Variants in ZFAND5 observed in about 807,000 individuals in gnomAD.
The protein encoded by ZFAND5 is zinc finger AN1-type containing 5.
Under a neutral mutation model 23.6 loss-of-function variants are expected in ZFAND5, and 4 were observed. That is an observed-to-expected ratio of 0.17 (90% CI 0.08 to 0.39). The LOEUF is 0.39. Among genes scored for constraint, ZFAND5 ranks in the 10% least tolerant of loss-of-function variants. The probability of loss-of-function intolerance (pLI) is 1.00; values close to 1 mark genes in which losing one functional copy is unlikely to be tolerated. For missense variants in ZFAND5, 161 were observed against 253.7 expected, an observed-to-expected ratio of 0.63 and a Z score of 2.48; for synonymous variants, 68 against 80.6, an observed-to-expected ratio of 0.84 and a Z score of 0.84.
At chr9:72,364,324 C>G in intron 1 of ZFAND5, 3 of 1,006,616 alleles carry the variant, frequency 3.0e-6, no homozygotes, top group Non-Finnish European at 3.7e-6. Flanking sequence ...GGGGGGGCTG[C>G]AACGGGCAGG....
rs925875201 is a variant in ZFAND5, at chr9:72,353,857, T to C, written c.*2096A>G. On this transcript the variant is annotated 3_prime_UTR_variant, in exon 7 of 7. Coordinates refer to ENST00000376962, the MANE Select transcript of ZFAND5 (RefSeq NM_001102420.3). ...ACTACCCTATGTCAGTATAGGAACT[T>C]TGACATACATATGTACCTCCCTAAC... 6.6e-6 allele frequency: 1 copy of C among 152,316 alleles called. No individual in the cohort carries two copies. The highest frequency in any genetic ancestry group is 2.4e-5 in the African/African-American group (1 of 41,572). The allele number at this position is 152,316 out of a possible 1,614,324, so 9.4% of individuals were successfully genotyped here. A position where few individuals can be genotyped will look rare whatever the true frequency, so the allele number is the denominator to read the frequency against.
rs541020220 is a variant in ZFAND5, at chr9:72,356,413, A to C, written c.494-312T>G. ...CCACGTGGAGAAAACAAAATGGGCT[A>C]TCTGCCAGCTAATTTCTCCCAGATG... On this transcript the variant is annotated intron_variant, in intron 6 of 6. Transcript: ENST00000376962. Among the ~76,000 whole-genome samples, 15 of 152,342 alleles carry C rather than the reference A, an allele frequency of 9.8e-5. No homozygotes were observed. In the South Asian group the frequency reaches 1.4e-3, roughly 15 times the overall value.
At chr9:72,363,792 G>A (rs1005949145) in intron 1 of ZFAND5, 186 bp from the exon 2 acceptor site, 1 of 353,340 alleles carries the variant, frequency 2.8e-6, no homozygotes. Context: ...TATGTTTTTA[G>A]AAGTCTGTAT....
At chr9:72,362,753 A>T (rs966429147) in intron 2 of ZFAND5, among the ~76,000 whole-genome samples, 8 of 152,186 alleles carry the variant, frequency 5.3e-5, no homozygotes, top group African/African-American at 1.9e-4. Context: ...CCAGCTTTTA[A>T]ATGCCATCAC....
chr9:72,356,960 A>G lies in ZFAND5; in HGVS notation c.464T>C (p.Phe155Ser). 1 of 1,613,108 alleles carries G rather than the reference A, an allele frequency of 6.2e-7. No individual in the cohort carries two copies. Among genetic ancestry groups the G allele is most frequent in the Non-Finnish European group, 8.5e-7 (1 of 1,179,738 alleles). Residue 155 changes from phenylalanine to serine, a missense_variant, in exon 6 of 7, where the codon TTC becomes TCC. By Grantham distance (155) the Phe-to-Ser change is radical. Around this residue, in one of 3 missense-constraint regions of ZFAND5, gnomAD observed 24 missense variants for 80.0 expected, o/e 0.30. Coordinates refer to ENST00000376962, the MANE Select transcript of ZFAND5 (RefSeq NM_001102420.3). ...ELPKPKKNRC[F>S]MCRKKVGLTG... ...AAGACCAACTTTCTTTCTGCACATG[A>G]AACATCTGTTTTTCTTTGGTTTGGG...
intron 4 of ZFAND5, 25 bp from the exon 5 acceptor site, chr9:72,359,546 TTTAAAGGTG>T (rs1564308057): frequency 1.2e-6 from 2 of 1,606,470 alleles, no homozygotes; most frequent in Non-Finnish European, 8.5e-7. Flanking sequence ...GCAAACAATT[TTTAAAGGTG>T]TTAAGGGTAC....
chr9:72,364,721 C>T lies in ZFAND5; in HGVS notation c.-172G>A, dbSNP rs1842214738. On this transcript the variant is annotated 5_prime_UTR_variant, in exon 1 of 7. Transcript: ENST00000376962. ...CCTGCAGGGTCCCAAATGCGAAAGCCGGGTTCGCGCGCGAAGCCGGCACGA... is the reference window on the plus strand; with the variant it reads ...CCTGCAGGGTCCCAAATGCGAAAGCTGGGTTCGCGCGCGAAGCCGGCACGA... The T allele has an allele frequency of 3.8e-6, 3 of 793,422 alleles. No individual in the cohort carries two copies. The highest frequency in any genetic ancestry group is 4.8e-6 in the Non-Finnish European group (3 of 628,106). 49.1% of individuals were successfully genotyped at this position (793,422 alleles called of 1,614,324 possible).
rs1392660776 is a variant in ZFAND5 at position 72,354,560 on chromosome 9, A to C, written c.*1393T>G. The C allele has an allele frequency of 6.6e-6, 1 of 152,654 alleles. No individual in the cohort carries two copies. Among genetic ancestry groups the C allele is most frequent in the South Asian group, 2.1e-4 (1 of 4,838 alleles). The allele number at this position is 152,654 out of a possible 1,614,324, so 9.5% of individuals were successfully genotyped here. A position where few individuals can be genotyped will look rare whatever the true frequency, so the allele number is the denominator to read the frequency against. On this transcript the variant is annotated 3_prime_UTR_variant, in exon 7 of 7. Coordinates refer to ENST00000376962, the MANE Select transcript of ZFAND5 (RefSeq NM_001102420.3). ...ACATAAATATGAACTATCTGTACAC[A>C]TCTGCAGGTCTAACTCAGAACTAAG... is the stretch of plus-strand genomic sequence containing the variant.
At chr9:72,364,572 G>A (rs1230658495) in intron 1 of ZFAND5, 124 bp downstream of exon 1, 2 of 1,256,114 alleles carry the variant, frequency 1.6e-6, no homozygotes, top group East Asian at 7.3e-5. Flanking sequence ...CCCCTCCCCC[G>A]GACGCCGCCA....
Position 72,364,768 on chromosome 9 carries a change from G to A in ZFAND5, c.-219C>T, listed in dbSNP as rs897428329. On this transcript the variant is annotated 5_prime_UTR_variant, in exon 1 of 7. Transcript: ENST00000376962. The stretch of plus-strand genomic sequence containing the variant: ...ACGATGAGGCCGGGCCGAGGCCTCC[G>A]GGAAGGCTGAGCCGGGCGCCCTGGT... The A allele has an allele frequency of 7.1e-6, 3 of 423,886 alleles. No individual in the cohort carries two copies. The highest frequency in any genetic ancestry group is 1.3e-4 in the Admixed American group (2 of 15,690). 26.3% of individuals were successfully genotyped at this position (423,886 alleles called of 1,614,324 possible).
In ZFAND5 at chr9:72,354,047, G is replaced by C. The variant is rs765920707; in HGVS notation, c.*1906C>G. The stretch of plus-strand genomic sequence containing the variant: ...TTGTTCTTTATGATCTGGCATAAAC[G>C]CTACAGAGACCAAGTCCATGGGTGA... On this transcript the variant is annotated 3_prime_UTR_variant, in exon 7 of 7. Coordinates refer to ENST00000376962, the MANE Select transcript of ZFAND5 (RefSeq NM_001102420.3). 6.6e-6 allele frequency: 1 copy of C among 152,090 alleles called. No homozygotes were observed. Among genetic ancestry groups the C allele is most frequent in the African/African-American group, 2.4e-5 (1 of 41,410 alleles). 9.4% of individuals were successfully genotyped at this position (152,090 alleles called of 1,614,324 possible).
intron 4 of ZFAND5, among the ~76,000 whole-genome samples, chr9:72,359,724 C>G (rs971903682): frequency 6.6e-6 from 1 of 152,242 alleles, no homozygotes; most frequent in East Asian, 1.9e-4. Flanking sequence ...GAACTCGAGG[C>G]TGCATTTTGT....
intron 2 of ZFAND5, among the ~76,000 whole-genome samples, chr9:72,361,577 C>T (rs1842103559): frequency 6.6e-6 from 1 of 152,168 alleles, no homozygotes; most frequent in Non-Finnish European, 1.5e-5. Flanking sequence ...TAAAACCGTT[C>T]CAAGCTCAAA....
rs1212250886 is a variant in ZFAND5, at chr9:72,355,533, C to T, written c.*420G>A. ...GAAGTTTAACTATGGTAGAAGTAGACTGCCAGTCCTTTTCTGGTGTACCAT... is the reference window on the plus strand; with the variant it reads ...GAAGTTTAACTATGGTAGAAGTAGATTGCCAGTCCTTTTCTGGTGTACCAT... On this transcript the variant is annotated 3_prime_UTR_variant, in exon 7 of 7. Transcript: ENST00000376962. 6.5e-6 allele frequency: 1 copy of T among 153,460 alleles called. No homozygotes were observed. Among genetic ancestry groups the T allele is most frequent in the African/African-American group, 2.4e-5 (1 of 41,486 alleles). 9.5% of individuals were successfully genotyped at this position (153,460 alleles called of 1,614,324 possible).
intron 2 of ZFAND5, among the ~76,000 whole-genome samples, chr9:72,362,258 A>G (rs942529492): frequency 1.3e-5 from 2 of 152,218 alleles, no homozygotes; most frequent in Non-Finnish European, 2.9e-5. Context: ...TCACTTAGGA[A>G]GTTTATTAAT....
At position 72,359,400 on chromosome 9, in the gene ZFAND5, AT is replaced by A. The variant is rs746547437; in HGVS notation, c.367+17del. ...CTATCAAATTCAGAACTGAACAAGT[AT>A]TAAATGAAAAACATACCTGGCTCTG... On this transcript the variant is annotated intron_variant, in intron 5 of 6. Coordinates refer to ENST00000376962, the MANE Select transcript of ZFAND5 (RefSeq NM_001102420.3). The A allele has an allele frequency of 1.6e-5, 25 of 1,609,686 alleles. No individual in the cohort carries two copies. The highest frequency in any genetic ancestry group is 2.0e-5 in the Non-Finnish European group (23 of 1,178,250).
chr9:72,356,122 A>G, intron 6 of ZFAND5, 21 bp from the exon 7 acceptor site: 2 of 1,592,360 alleles, frequency 1.3e-6, no homozygotes, highest in Admixed American at 1.9e-5. Context: ...GAAGAAGTAG[A>G]GTCATTTGAG....
In ZFAND5 at chr9:72,355,118, A is replaced by G. The variant is rs1182099894; in HGVS notation, c.*835T>C. Reference sequence around the variant, plus strand: ...GAAAAATTATTCAGATACCTTTGCAACTTAAAATTCAGATGCATGTTATTC... The same window carrying G: ...GAAAAATTATTCAGATACCTTTGCAGCTTAAAATTCAGATGCATGTTATTC... On this transcript the variant is annotated 3_prime_UTR_variant, in exon 7 of 7. Transcript: ENST00000376962. 1 of 152,690 alleles carries G rather than the reference A, an allele frequency of 6.5e-6. No individual in the cohort carries two copies. The highest frequency in any genetic ancestry group is 2.4e-5 in the African/African-American group (1 of 41,478). 9.5% of individuals were successfully genotyped at this position (152,690 alleles called of 1,614,324 possible). A position where few individuals can be genotyped will look rare whatever the true frequency, so the allele number is the denominator to read the frequency against.
At chr9:72,357,560 T>TC (rs1791115040) in intron 5 of ZFAND5, among the ~76,000 whole-genome samples, 1 of 152,126 alleles carries the variant, frequency 6.6e-6, no homozygotes, top group Admixed American at 6.6e-5. Context: ...AAACCATTCA[T>TC]CCCTAAATCA....
Sources: gnomAD v4.1 joint callset for allele counts (sites outside exome capture counted in the v4.1 genomes callset) on GRCh38, gnomAD v4.1.1 for gene constraint, gnomAD v4.1.1 regional missense constraint, MANE v1.5 for transcripts, NCBI Gene and HGNC (gene_info 2026-07-23, HGNC 2026-07-21) for gene names.